The following CCN4 variants were observed in gnomAD, a reference collection of about 807,000 sequenced individuals.
The protein encoded by CCN4 is CCN family member 4.
CCN4 carries 30 observed loss-of-function variants against 36.7 expected under a neutral mutation model. The observed-to-expected ratio is 0.82, with a 90% CI of 0.61 to 1.11. CCN4 has a LOEUF of 1.11. Ranked by LOEUF, CCN4 falls within the 50% of genes least tolerant of loss-of-function variation. The pLI is 0.00. For synonymous variants in CCN4, 191 were observed against 195.4 expected, an observed-to-expected ratio of 0.98 and a Z score of 0.19; for missense variants, 505 against 504.9, an observed-to-expected ratio of 1.00 and a Z score of 0.00.
intron 1 of CCN4, among the ~76,000 whole-genome samples, chr8:133,195,195 T>C (rs973302237): frequency 1.3e-5 from 2 of 150,198 alleles, no homozygotes; most frequent in Admixed American, 1.3e-4. Context: ...GTGGTGTGTG[T>C]GTGGTGTGTG....
intron 1 of CCN4, 43 bp from the exon 2 acceptor site, chr8:133,212,821 C>G: frequency 6.8e-7 from 1 of 1,460,214 alleles, no homozygotes; most frequent in Non-Finnish European, 9.3e-7. Context: ...CGTTGAAACC[C>G]CTGTCTCAGC....
At chr8:133,223,955 G>A (rs1854627868) in intron 3 of CCN4, among the ~76,000 whole-genome samples, 1 of 152,144 alleles carries the variant, frequency 6.6e-6, no homozygotes, top group South Asian at 2.1e-4. Context: ...TCCAAGAGTG[G>A]GTAGTTGAGT....
At position 133,227,526 on chromosome 8, in the gene CCN4, A is replaced by G. The variant is rs1419309712; in HGVS notation, c.920A>G (p.Asn307Ser). The G allele has an allele frequency of 3.7e-6, 6 of 1,614,080 alleles. No individual in the cohort carries two copies. Among genetic ancestry groups the G allele is most frequent in the Non-Finnish European group, 4.2e-6 (5 of 1,180,036 alleles). The change falls in exon 5 of 5, where the codon AAT (asparagine) becomes AGT (serine). Residue 307 changes from asparagine to serine, a missense_variant. Asn to Ser is a conservative substitution (Grantham distance 46). Coordinates refer to ENST00000250160, the MANE Select transcript of CCN4 (RefSeq NM_003882.4). ...QPKYCGVCMD[N>S]RCCIPYKSKT... ...AAGTACTGTGGAGTTTGCATGGACAATAGGTGCTGCATCCCCTACAAGTCT... is the reference window on the plus strand; with the variant it reads ...AAGTACTGTGGAGTTTGCATGGACAGTAGGTGCTGCATCCCCTACAAGTCT...
intron 1 of CCN4, among the ~76,000 whole-genome samples, chr8:133,209,549 G>C (rs1853913336): frequency 6.6e-6 from 1 of 152,250 alleles, no homozygotes; most frequent in Admixed American, 6.5e-5. Context: ...CTTCTCTGCA[G>C]CTTCCCCTCA....
In CCN4 at chr8:133,225,384, A is replaced by G. The variant is rs777923157; in HGVS notation, c.611-6A>G. The G allele has an allele frequency of 4.4e-6, 7 of 1,590,034 alleles. No homozygotes were observed. Among genetic ancestry groups the G allele is most frequent in the Non-Finnish European group, 6.0e-6 (7 of 1,164,470 alleles). ...GATTCATGCAGATTCTGTTCCCCACACACAGATGCTGTGGGTGAGGTGGAG... is the reference window on the plus strand; with the variant it reads ...GATTCATGCAGATTCTGTTCCCCACGCACAGATGCTGTGGGTGAGGTGGAG... On this transcript the variant is annotated splice_region_variant and splice_polypyrimidine_tract_variant and intron_variant, in intron 3 of 4. Coordinates refer to ENST00000250160, the MANE Select transcript of CCN4 (RefSeq NM_003882.4).
intron 1 of CCN4, among the ~76,000 whole-genome samples, chr8:133,201,044 C>T (rs1853571281): frequency 1.3e-5 from 2 of 152,210 alleles, no homozygotes; most frequent in Admixed American, 1.3e-4. Flanking sequence ...GCCCTTTCCC[C>T]TCTTCATCTC....
intron 1 of CCN4, 123 bp from the exon 2 acceptor site, chr8:133,212,741 A>C: frequency 2.5e-6 from 2 of 787,206 alleles, no homozygotes; most frequent in South Asian, 3.9e-5. Context: ...AAAGCGTGAT[A>C]GAAAAAATAA....
At chr8:133,224,982 G>C (rs983865565) in intron 3 of CCN4, among the ~76,000 whole-genome samples, 3 of 151,444 alleles carry the variant, frequency 2.0e-5, no homozygotes, top group Non-Finnish European at 4.4e-5. Context: ...CAAGATGATT[G>C]ATGCATACTC....
intron 1 of CCN4, among the ~76,000 whole-genome samples, chr8:133,200,009 C>A (rs908698823): frequency 2.0e-5 from 3 of 152,160 alleles, no homozygotes; most frequent in Non-Finnish European, 4.4e-5. Flanking sequence ...CACCGTGTGC[C>A]CCAAGCAGGC....
intron 1 of CCN4, among the ~76,000 whole-genome samples, chr8:133,193,864 G>C (rs1473936231): frequency 6.6e-6 from 1 of 152,188 alleles, no homozygotes; most frequent in Non-Finnish European, 1.5e-5. Context: ...CTGCCCGACA[G>C]AGTTTACTGG....
At chr8:133,224,736 A>G (rs1051903245) in intron 3 of CCN4, among the ~76,000 whole-genome samples, 1 of 151,930 alleles carries the variant, frequency 6.6e-6, no homozygotes, top group African/African-American at 2.4e-5. Flanking sequence ...GGAGTTTGAG[A>G]CCAGCCTGAC....
At position 133,227,715 on chromosome 8, in the gene CCN4, G is replaced by A. The variant is rs746487596; in HGVS notation, c.*5G>A. The A allele has an allele frequency of 1.9e-6, 3 of 1,609,910 alleles. No homozygotes were observed. The highest frequency in any genetic ancestry group is 2.5e-6 in the Non-Finnish European group (3 of 1,177,342). ...TTCTCAGAAATTGCCAACTAGGCAG[G>A]CACAAATCTTGGGTCTTGGGGACTA... On this transcript the variant is annotated 3_prime_UTR_variant, in exon 5 of 5. Coordinates refer to ENST00000250160, the MANE Select transcript of CCN4 (RefSeq NM_003882.4).
intron 2 of CCN4, 118 bp from the exon 3 acceptor site, chr8:133,220,463 C>T: frequency 1.4e-6 from 2 of 1,445,168 alleles, no homozygotes; most frequent in South Asian, 1.3e-5. Flanking sequence ...TGTTCCTCCT[C>T]CATGCTGGGA....
intron 1 of CCN4, among the ~76,000 whole-genome samples, chr8:133,211,387 C>T (rs1288297881): frequency 6.6e-6 from 1 of 152,230 alleles, no homozygotes; most frequent in East Asian, 1.9e-4. Context: ...GCTAACTCTG[C>T]AAATGTCTGT....
At chr8:133,195,080 GC>G (rs1853324891) in intron 1 of CCN4, among the ~76,000 whole-genome samples, 1 of 144,744 alleles carries the variant, frequency 6.9e-6, no homozygotes. Flanking sequence ...TATGTAGTGT[GC>G]TTGTGTGTGT....
chr8:133,195,180 T>C (rs1425667038), intron 1 of CCN4, among the ~76,000 whole-genome samples: 1 of 147,988 alleles, frequency 6.8e-6, no homozygotes, highest in East Asian at 2.0e-4. Flanking sequence ...GGTGTGTTTG[T>C]GTATGTGGTG....
intron 4 of CCN4, among the ~76,000 whole-genome samples, chr8:133,226,908 A>G (rs1854756400): frequency 6.6e-6 from 1 of 152,204 alleles, no homozygotes; most frequent in Non-Finnish European, 1.5e-5. Flanking sequence ...AGCCCAGTGG[A>G]AGGTAGCGTT....
At chr8:133,218,413 C>T (rs978286393) in intron 2 of CCN4, among the ~76,000 whole-genome samples, 1 of 152,160 alleles carries the variant, frequency 6.6e-6, no homozygotes, top group African/African-American at 2.4e-5. Context: ...CTGTGGTCAC[C>T]TTGGACGCTA....
At chr8:133,195,462 T>C (rs558357383) in intron 1 of CCN4, among the ~76,000 whole-genome samples, 1 of 152,140 alleles carries the variant, frequency 6.6e-6, no homozygotes, top group African/African-American at 2.4e-5. Context: ...ATATGTCTTT[T>C]CACACCTCCT....
Sources: allele counts gnomAD v4.1 joint callset (sites outside exome capture counted in the v4.1 genomes callset), GRCh38; gene constraint gnomAD v4.1.1; transcripts MANE v1.5; gene names NCBI Gene and HGNC (gene_info 2026-07-23, HGNC 2026-07-21).